Variants in THBS4 observed in about 807,000 individuals in gnomAD.
THBS4 encodes thrombospondin-4.
In THBS4, 90 loss-of-function variants were observed where a neutral mutation model predicts 115.7. That is an observed-to-expected ratio of 0.78 (90% CI 0.66 to 0.93). The LOEUF (loss-of-function observed/expected upper bound fraction) is 0.93, where lower values mean the gene tolerates loss of function less well. Ranked by LOEUF, THBS4 falls within the 40% of genes least tolerant of loss-of-function variation. THBS4 has a pLI of 0.00. For missense variants in THBS4, 1,087 were observed against 1,232.7 expected, an observed-to-expected ratio of 0.88 and a Z score of 1.77; for synonymous variants, 460 against 479.3, an observed-to-expected ratio of 0.96 and a Z score of 0.53.
At chr5:80,080,201 T>G (rs1453420578) in intron 20 of THBS4, 124 bp downstream of exon 20, 2 of 1,182,706 alleles carry the variant, frequency 1.7e-6, no homozygotes, top group Non-Finnish European at 2.3e-6. Context: ...ATGCCAGGAC[T>G]TTTGTGACCG....
intron 1 of THBS4, among the ~76,000 whole-genome samples, chr5:80,039,824 A>T (rs1580934173): frequency 6.6e-6 from 1 of 152,178 alleles, no homozygotes; most frequent in Admixed American, 6.5e-5. Flanking sequence ...TGTGTTTGCA[A>T]ATTCAGTCCT....
rs1018167843 is a variant in THBS4, at chr5:80,035,617, C to A, written c.80C>A (p.Thr27Asn). The change falls in exon 1 of 22, where the codon ACC (threonine) becomes AAC (asparagine). Residue 27 changes from threonine (T) to asparagine (N), a missense_variant. Thr to Asn is a moderately conservative substitution (Grantham distance 65). This residue lies in a region of THBS4 where 979 missense variants were observed against 1,103.7 expected (regional missense o/e 0.89). Transcript: ENST00000350881. The surrounding 1 kb of genome is among the most constrained non-coding windows in gnomAD (Gnocchi z 4.6). ...QRWLAAGAQATPQVFDLLPSS... is the reference protein window; with the variant it reads ...QRWLAAGAQANPQVFDLLPSS... ...TGGCTAGCGGCAGGCGCCCAGGCCA[C>A]CCCCCAGGGTAAGTGGGTTCGGGTC... The A allele has an allele frequency of 2.8e-5, 39 of 1,381,862 alleles. No individual in the cohort carries two copies. In the African/African-American group the frequency reaches 5.4e-4, roughly 19 times the overall value. The allele number at this position is 1,381,862 out of a possible 1,614,324, so 85.6% of individuals were successfully genotyped here. A position where few individuals can be genotyped will look rare whatever the true frequency, so the allele number is the denominator to read the frequency against.
upstream of THBS4, among the ~76,000 whole-genome samples, chr5:80,031,464 A>G (rs1429543092): frequency 2.0e-5 from 3 of 152,272 alleles, no homozygotes; most frequent in African/African-American, 7.2e-5. Context: ...CTATTGCTAC[A>G]ATATTGTTAC....
Position 80,068,018 on chromosome 5 carries a change from C to G in THBS4, c.1240C>G (p.Gln414Glu). Residue 414 changes from glutamine to glutamate, a missense_variant, in exon 10 of 22, where the codon CAG (glutamine) becomes GAG (glutamate). Gln to Glu is a conservative substitution (Grantham distance 29, BLOSUM62 2). Transcript: ENST00000350881. ...GPCKPGYTGDQIRGCKAERNC... is the reference protein window; with the variant it reads ...GPCKPGYTGDEIRGCKAERNC... ...TTGTAAGCCGGGGTATACTGGTGAT[C>G]AGATAAGGGGATGCAAAGCGGAAAG... The G allele has an allele frequency of 6.2e-7, 1 of 1,614,154 alleles. No homozygotes were observed. The highest frequency in any genetic ancestry group is 8.5e-7 in the Non-Finnish European group (1 of 1,180,032).
intron 2 of THBS4, among the ~76,000 whole-genome samples, chr5:80,011,877 A>T (rs1020680819): frequency 3.7e-4 from 33 of 88,346 alleles, no homozygotes; most frequent in African/African-American, 1.6e-3. Flanking sequence ...TCTGTTTCTT[A>T]AAAAAAAAGA....
Position 80,079,141 on chromosome 5 carries a change from T to C in THBS4, c.2394T>C (p.Phe798=). ...NTQTDDDYAG[F]IFGYQDSSSF... The stretch of plus-strand genomic sequence containing the variant: ...AGACAGATGATGACTATGCAGGCTT[T>C]ATCTTTGGCTACCAAGATAGCTCCA... The change falls in exon 19 of 22, where the codon TTT becomes TTC. Residue 798 remains phenylalanine, a synonymous_variant. Coordinates refer to ENST00000350881, the MANE Select transcript of THBS4 (RefSeq NM_003248.6). 6.2e-7 allele frequency: 1 copy of C among 1,614,198 alleles called. No homozygotes were observed. The highest frequency in any genetic ancestry group is 8.5e-7 in the Non-Finnish European group (1 of 1,180,032).
intron 2 of THBS4, among the ~76,000 whole-genome samples, chr5:80,047,267 C>T (rs1004771623): frequency 2.0e-5 from 3 of 152,140 alleles, no homozygotes; most frequent in Non-Finnish European, 4.4e-5. Flanking sequence ...TTGTCCAGGC[C>T]ACATCTAATA....
intron 5 of THBS4, 133 bp downstream of exon 5, chr5:80,058,923 C>T (rs997416280): frequency 2.3e-5 from 18 of 786,896 alleles, no homozygotes; most frequent in Non-Finnish European, 3.0e-5. Context: ...CACGCAGCCC[C>T]GCACGCCAGG....
exon 1 of THBS4, chr5:79,991,364 A>G: frequency 1.2e-6 from 1 of 825,382 alleles, no homozygotes; most frequent in African/African-American, 1.7e-5. Context: ...GAGAGAAACA[A>G]CGACTGGAGG....
chr5:80,076,455 C>T (rs1743222471), intron 15 of THBS4, among the ~76,000 whole-genome samples: 1 of 152,176 alleles, frequency 6.6e-6, no homozygotes, highest in Admixed American at 6.5e-5. Flanking sequence ...GGTGTCATGC[C>T]TGAGGTCACA....
chr5:80,054,656 G>A (rs978036964), intron 2 of THBS4, among the ~76,000 whole-genome samples: 1 of 151,980 alleles, frequency 6.6e-6, no homozygotes, highest in African/African-American at 2.4e-5. Context: ...GTAGAGATGA[G>A]GTCTCACTAT....
At position 80,076,887 on chromosome 5, in the gene THBS4, AC is replaced by A. The variant is rs1561328345; in HGVS notation, c.1926del (p.Cys643AlafsTer85). 2.5e-6 allele frequency: 4 copies of A among 1,607,664 alleles called. No homozygotes were observed. The South Asian group carries it at 4.5e-5, about 18-fold the overall frequency. On this transcript the variant is annotated frameshift_variant, in exon 16 of 22. Transcript: ENST00000350881. LOFTEE classifies it high-confidence loss of function. Reference sequence around the variant, plus strand: ...GATGGGCACCAGGACAGCACAGACAACTGCCCCACCGTCATTAACAGTGCCC... The same window carrying A: ...GATGGGCACCAGGACAGCACAGACAATGCCCCACCGTCATTAACAGTGCCC... ...DGDGHQDSTD[N>X]CPTVINSAQL...
At chr5:80,032,347 C>A (rs550340500), upstream of THBS4, among the ~76,000 whole-genome samples, 1 of 152,208 alleles carries the variant, frequency 6.6e-6, no homozygotes, top group East Asian at 1.9e-4. Flanking sequence ...TTTGTTTTTC[C>A]GTTACACTTA....
intron 19 of THBS4, 115 bp from the exon 20 acceptor site, chr5:80,079,790 C>T (rs1475919847): frequency 1.7e-6 from 2 of 1,144,334 alleles, no homozygotes; most frequent in African/African-American, 3.1e-5. Context: ...TGTTCTGAAT[C>T]CAAGGCAGCC....
Position 80,061,715 on chromosome 5 carries a change from C to T in THBS4, c.1008C>T (p.Tyr336=). The change falls in exon 8 of 22, where the codon TAC becomes TAT. Residue 336 remains tyrosine, a synonymous_variant. Coordinates refer to ENST00000350881, the MANE Select transcript of THBS4 (RefSeq NM_003248.6). ...DVDECKYHPC[Y]PGVHCINLSP... is the part of the protein sequence containing the mutation. ...TCCAGTGCAAATACCATCCCTGCTA[C>T]CCGGGCGTGCACTGCATAAATTTGT... 1.2e-6 allele frequency: 2 copies of T among 1,613,350 alleles called. No homozygotes were observed. The highest frequency in any genetic ancestry group is 1.1e-5 in the South Asian group (1 of 90,988).
Position 80,083,240 on chromosome 5 carries a change from C to T in THBS4, c.*99C>T. 1.9e-6 allele frequency: 2 copies of T among 1,051,126 alleles called. No homozygotes were observed. Among genetic ancestry groups the T allele is most frequent in the Non-Finnish European group, 3.0e-6 (2 of 676,894 alleles). The allele number at this position is 1,051,126 out of a possible 1,614,324, so 65.1% of individuals were successfully genotyped here. ...TTTTACCAACCCAAATATATCAAAA[C>T]GTTTTATGTGAATGTGGCAATAAAG... On this transcript the variant is annotated 3_prime_UTR_variant, in exon 22 of 22. Coordinates refer to ENST00000350881, the MANE Select transcript of THBS4 (RefSeq NM_003248.6).
At chr5:80,027,992 A>G (rs528568233) in intron 2 of THBS4, among the ~76,000 whole-genome samples, 2 of 151,994 alleles carry the variant, frequency 1.3e-5, no homozygotes, top group South Asian at 4.2e-4. Context: ...ATACGTTCAT[A>G]TCTCTCCCAC....
At chr5:80,056,298 G>A (rs956812430) in intron 3 of THBS4, among the ~76,000 whole-genome samples, 1 of 152,162 alleles carries the variant, frequency 6.6e-6, no homozygotes, top group Non-Finnish European at 1.5e-5. Context: ...ATGTGATGCC[G>A]AAATTGAGAG....
intron 2 of THBS4, among the ~76,000 whole-genome samples, chr5:80,027,523 G>A (rs993643984): frequency 1.1e-4 from 16 of 152,080 alleles, no homozygotes; most frequent in African/African-American, 3.6e-4. Context: ...TTATTACACC[G>A]ACAGACTTCA....
Sources: gnomAD v4.1 joint callset for allele counts (sites outside exome capture counted in the v4.1 genomes callset) on GRCh38, gnomAD v4.1.1 for gene constraint, gnomAD v4.1.1 regional missense constraint, Gnocchi (gnomAD v3.1) non-coding constraint, MANE v1.5 for transcripts, NCBI Gene and HGNC (gene_info 2026-07-23, HGNC 2026-07-21) for gene names.